SDHAF2: variants seen among roughly 807,000 people sequenced by gnomAD.
The protein encoded by SDHAF2 is succinate dehydrogenase assembly factor 2, mitochondrial.
A neutral mutation model predicts 18.5 loss-of-function variants in SDHAF2; 21 were observed. The ratio of observed to expected loss-of-function variants is 1.13; its 90% CI spans 0.80 to 1.63. The LOEUF (loss-of-function observed/expected upper bound fraction) is 1.63, where lower values mean the gene tolerates loss of function less well. SDHAF2 is among the 40% of genes most tolerant of loss of function. The pLI, the probability that SDHAF2 is intolerant of heterozygous loss-of-function variation, is 0.00. For missense variants in SDHAF2, 195 were observed against 200.3 expected, an observed-to-expected ratio of 0.97 and a Z score of 0.16; for synonymous variants, 84 against 70.7, an observed-to-expected ratio of 1.19 and a Z score of -0.94.
At chr11:61,441,240 A>T (rs1371689664) in intron 3 of SDHAF2, among the ~76,000 whole-genome samples, 2 of 152,170 alleles carry the variant, frequency 1.3e-5, no homozygotes, top group Non-Finnish European at 2.9e-5. Flanking sequence ...TAAGCAAAAG[A>T]GGTCAAACTC....
Position 61,437,699 on chromosome 11 carries a change from T to G in SDHAF2, c.111T>G (p.Gly37=). 1 of 1,614,176 alleles carries G rather than the reference T, an allele frequency of 6.2e-7. No individual in the cohort carries two copies. Among genetic ancestry groups the G allele is most frequent in the Non-Finnish European group, 8.5e-7 (1 of 1,180,022 alleles). ...SVTSFRRFYR[G]DSPTDSQKDM... ...CATCATTCAGACGCTTCTACAGAGG[T>G]GACAGCCCAACAGATTCCCAAAAGG... Residue 37 remains glycine (G), a synonymous_variant, in exon 2 of 4, where the codon GGT becomes GGG. Coordinates refer to ENST00000301761, the MANE Select transcript of SDHAF2 (RefSeq NM_017841.4).
At chr11:61,438,179 T>A in intron 3 of SDHAF2, 66 bp downstream of exon 3, 2 of 1,226,542 alleles carry the variant, frequency 1.6e-6, no homozygotes, top group Non-Finnish European at 2.4e-6. Context: ...AGTCTAGAAT[T>A]GTATCCTAGA....
At chr11:61,437,917 C>T in intron 2 of SDHAF2, 69 bp downstream of exon 2, 1 of 1,559,962 alleles carries the variant, frequency 6.4e-7, no homozygotes, top group Non-Finnish European at 8.8e-7. Flanking sequence ...CAGAGAGACT[C>T]CCAGGAGTAG....
At position 61,446,261 on chromosome 11, in the gene SDHAF2, C is replaced by A; in HGVS notation, c.*190C>A. The A allele has an allele frequency of 1.5e-6, 1 of 678,130 alleles. No homozygotes were observed. Among genetic ancestry groups the A allele is most frequent in the East Asian group, 2.7e-5 (1 of 36,950 alleles). The allele number at this position is 678,130 out of a possible 1,614,324, so 42.0% of individuals were successfully genotyped here. ...ATGCACAATGTGACTCATTCTCATA[C>A]TTTTTTGTTCAGCTCTGAGCCTCAA... On this transcript the variant is annotated 3_prime_UTR_variant, in exon 4 of 4. Coordinates refer to ENST00000301761, the MANE Select transcript of SDHAF2 (RefSeq NM_017841.4).
At chr11:61,436,601 G>A (rs1861996940) in intron 1 of SDHAF2, among the ~76,000 whole-genome samples, 1 of 152,220 alleles carries the variant, frequency 6.6e-6, no homozygotes, top group Non-Finnish European at 1.5e-5. Flanking sequence ...GTCTCAGGTA[G>A]AAGCTAGGAG....
At chr11:61,441,985 G>T (rs975468651) in intron 3 of SDHAF2, among the ~76,000 whole-genome samples, 7 of 151,170 alleles carry the variant, frequency 4.6e-5, no homozygotes, top group Admixed American at 2.6e-4. Flanking sequence ...CTGGGCTCAA[G>T]CGATCCTCCC....
At chr11:61,437,072 T>G (rs1862002602) in intron 1 of SDHAF2, 2 of 1,160,800 alleles carry the variant, frequency 1.7e-6, no homozygotes, top group Non-Finnish European at 2.2e-6. Flanking sequence ...GGGACACATT[T>G]GCAGTTAGGA....
intron 3 of SDHAF2, among the ~76,000 whole-genome samples, chr11:61,445,705 A>G (rs1265989411): frequency 2.6e-5 from 4 of 152,236 alleles, no homozygotes; most frequent in Non-Finnish European, 4.4e-5. Context: ...CAAAAGGAGC[A>G]TGGGTAATAT....
chr11:61,442,968 T>A (rs1208552788), intron 3 of SDHAF2, among the ~76,000 whole-genome samples: 1 of 152,260 alleles, frequency 6.6e-6, no homozygotes. Flanking sequence ...TTGGCCAGGC[T>A]GGGCTTGAAC....
chr11:61,443,809 C>G (rs892830975), intron 3 of SDHAF2, among the ~76,000 whole-genome samples: 1 of 151,928 alleles, frequency 6.6e-6, no homozygotes, highest in African/African-American at 2.4e-5. Context: ...GAGTCTCACT[C>G]TGTCACCCAG....
intron 1 of SDHAF2, chr11:61,433,130 C>T (rs1861953828): frequency 6.6e-6 from 1 of 151,922 alleles, no homozygotes; most frequent in Non-Finnish European, 1.5e-5. Flanking sequence ...CCTCCATCTC[C>T]TGGGTTCAAG....
At chr11:61,444,603 C>T (rs1411561885) in intron 3 of SDHAF2, among the ~76,000 whole-genome samples, 7 of 152,034 alleles carry the variant, frequency 4.6e-5, no homozygotes, top group African/African-American at 1.2e-4. Context: ...ATCAGCCGAG[C>T]GTGGTGGCGG....
chr11:61,434,700 A>G (rs1436785274), intron 1 of SDHAF2: 1 of 138,900 alleles, frequency 7.2e-6, no homozygotes, highest in Non-Finnish European at 1.6e-5. Flanking sequence ...GATTTTCTCT[A>G]GTGAATTTTT....
Position 61,437,775 on chromosome 11 carries a change from A to G in SDHAF2, c.187A>G (p.Ile63Val), listed in dbSNP as rs1184440065. 5.6e-6 allele frequency: 9 copies of G among 1,614,078 alleles called. No individual in the cohort carries two copies. Among genetic ancestry groups the G allele is most frequent in the African/African-American group, 2.7e-5 (2 of 74,936 alleles). Residue 63 changes from isoleucine to valine, a missense_variant, in exon 2 of 4, where the codon ATA becomes GTA. Physicochemically the swap from Ile to Val is conservative, Grantham distance 29. Transcript: ENST00000301761. Reference sequence around the variant, plus strand: ...ATGGCAGGAGAGAACTGATGAATCCATAGAAACCAAAAGAGCCCGCCTGCT... The same window carrying G: ...ATGGCAGGAGAGAACTGATGAATCCGTAGAAACCAAAAGAGCCCGCCTGCT... The part of the protein sequence containing the change: ...PPWQERTDES[I>V]ETKRARLLYE...
At chr11:61,443,314 T>A (rs932870267) in intron 3 of SDHAF2, among the ~76,000 whole-genome samples, 1 of 152,220 alleles carries the variant, frequency 6.6e-6, no homozygotes, top group Non-Finnish European at 1.5e-5. Flanking sequence ...TTTTGTCTGC[T>A]TTTTCCACTG....
intron 3 of SDHAF2, among the ~76,000 whole-genome samples, chr11:61,443,743 C>G (rs1377860147): frequency 6.6e-6 from 1 of 152,118 alleles, no homozygotes; most frequent in East Asian, 1.9e-4. Context: ...TCCTGAGTAG[C>G]TGAGACTACA....
chr11:61,443,668 G>A (rs1185641923), intron 3 of SDHAF2, among the ~76,000 whole-genome samples: 2 of 152,184 alleles, frequency 1.3e-5, no homozygotes, highest in African/African-American at 4.8e-5. Flanking sequence ...CTGGAGTGCA[G>A]TGGCACCCTC....
intron 3 of SDHAF2, among the ~76,000 whole-genome samples, chr11:61,442,065 G>T (rs1862073921): frequency 6.6e-6 from 1 of 151,842 alleles, no homozygotes; most frequent in South Asian, 2.1e-4. Flanking sequence ...TGTTGTTGTT[G>T]TATTTTTTGT....
At position 61,438,022 on chromosome 11, in the gene SDHAF2, T is replaced by C. The variant is rs1374250850; in HGVS notation, c.279T>C (p.His93=). The change falls in exon 3 of 4, where the codon CAT becomes CAC. Residue 93 remains histidine (H), a synonymous_variant. Transcript: ENST00000301761. ...CILLSLFAKE[H]LQHMTEKQLN... Reference sequence around the variant, plus strand: ...TTTTTAGTCTTTTTGCTAAAGAACATCTGCAGCACATGACAGAAAAGCAGC... The same window carrying C: ...TTTTTAGTCTTTTTGCTAAAGAACACCTGCAGCACATGACAGAAAAGCAGC... The C allele has an allele frequency of 6.2e-7, 1 of 1,614,074 alleles. No homozygotes were observed. The highest frequency in any genetic ancestry group is 8.5e-7 in the Non-Finnish European group (1 of 1,180,002).
Sources: allele counts gnomAD v4.1 joint callset (sites outside exome capture counted in the v4.1 genomes callset), GRCh38; gene constraint gnomAD v4.1.1; transcripts MANE v1.5; gene names NCBI Gene and HGNC (gene_info 2026-07-23, HGNC 2026-07-21).